The following MAP4K4 variants were observed in gnomAD, a reference collection of about 807,000 sequenced individuals.
The protein encoded by MAP4K4 is mitogen-activated protein kinase kinase kinase kinase 4.
A neutral mutation model predicts 189.6 loss-of-function variants in MAP4K4; 38 were observed. The ratio of observed to expected loss-of-function variants is 0.20; its 90% CI spans 0.15 to 0.26. The LOEUF (loss-of-function observed/expected upper bound fraction) is 0.26, where lower values mean the gene tolerates loss of function less well. MAP4K4 is among the 10% of genes least tolerant of loss of function. The pLI, the probability that MAP4K4 is intolerant of heterozygous loss-of-function variation, is 1.00. For missense variants in MAP4K4, 1,054 were observed against 1,726.9 expected (o/e 0.61, Z 6.91); for synonymous variants, 610 against 624.3 (o/e 0.98, Z 0.34).
chr2:101,808,552 C>A (rs2095183056), intron 3 of MAP4K4, among the ~76,000 whole-genome samples: 1 of 149,106 alleles, frequency 6.7e-6, no homozygotes, highest in Non-Finnish European at 1.5e-5. Flanking sequence ...TCACCCCCCC[C>A]CACCCCGTTT....
intron 2 of MAP4K4, among the ~76,000 whole-genome samples, chr2:101,757,574 C>T (rs1285768237): frequency 1.3e-5 from 2 of 152,140 alleles, no homozygotes; most frequent in Non-Finnish European, 2.9e-5. Flanking sequence ...ACACAGTCCC[C>T]CCTTATCCAC....
At chr2:101,700,783 T>G (rs75331100) in intron 2 of MAP4K4, among the ~76,000 whole-genome samples, 3 of 147,490 alleles carry the variant, frequency 2.0e-5, no homozygotes, top group South Asian at 2.1e-4. Context: ...TAAAATGTGT[T>G]TTTTTTTTTT....
chr2:101,770,200 A>G (rs1169569612), intron 2 of MAP4K4, among the ~76,000 whole-genome samples: 1 of 148,804 alleles, frequency 6.7e-6, no homozygotes, highest in African/African-American at 2.5e-5. Context: ...AAACAGTCTT[A>G]GGTCTGAATT....
At chr2:101,831,909 G>T in intron 7 of MAP4K4, 58 bp downstream of exon 7, 1 of 1,575,768 alleles carries the variant, frequency 6.3e-7, no homozygotes, top group South Asian at 1.2e-5. Flanking sequence ...CGAGGGATGG[G>T]GGCTTTGCTT....
chr2:101,723,945 C>T (rs1182349266), intron 2 of MAP4K4, among the ~76,000 whole-genome samples: 1 of 152,144 alleles, frequency 6.6e-6, no homozygotes, highest in East Asian at 1.9e-4. Flanking sequence ...ATATCACTCA[C>T]AATTAGGAAG....
chr2:101,766,705 C>T (rs911460085), intron 2 of MAP4K4, among the ~76,000 whole-genome samples: 2 of 151,820 alleles, frequency 1.3e-5, no homozygotes, highest in Non-Finnish European at 1.5e-5. Context: ...TCTCTAAGCT[C>T]ATTTCCCTTT....
chr2:101,841,963 T>G (rs188236565), intron 10 of MAP4K4, among the ~76,000 whole-genome samples: 8 of 152,284 alleles, frequency 5.3e-5, no homozygotes, highest in African/African-American at 1.9e-4. Context: ...GAACTGAAAA[T>G]GAGTTATTGA....
At chr2:101,792,533 G>C (rs1052067253) in intron 3 of MAP4K4, among the ~76,000 whole-genome samples, 1 of 151,624 alleles carries the variant, frequency 6.6e-6, no homozygotes. Flanking sequence ...AAAAAGAAGT[G>C]TAAAATATAG....
chr2:101,805,332 C>A (rs1250498008), intron 3 of MAP4K4, among the ~76,000 whole-genome samples: 2 of 152,110 alleles, frequency 1.3e-5, no homozygotes, highest in Non-Finnish European at 2.9e-5. Context: ...TTACTTTTGC[C>A]TGTGTCTGTT....
At chr2:101,771,959 T>C (rs2081658820) in intron 2 of MAP4K4, among the ~76,000 whole-genome samples, 1 of 152,186 alleles carries the variant, frequency 6.6e-6, no homozygotes, top group Non-Finnish European at 1.5e-5. Flanking sequence ...GGTCCTGTGC[T>C]GTGGTCTATG....
At chr2:101,803,537 T>C (rs2094597220) in intron 3 of MAP4K4, among the ~76,000 whole-genome samples, 1 of 152,180 alleles carries the variant, frequency 6.6e-6, no homozygotes, top group African/African-American at 2.4e-5. Flanking sequence ...TGAATTTAGT[T>C]CCAATAACTG....
Position 101,840,126 on chromosome 2 carries a change from G to A in MAP4K4, c.949+132G>A, listed in dbSNP as rs144432887. On this transcript the variant is annotated intron_variant, in intron 10 of 32. Coordinates refer to ENST00000324219, the Ensembl canonical transcript of MAP4K4. ...GTGCTTGCATGGTTTCTCTGCTTGC[G>A]GTTCAGTGCTTAGGCCTGGGGTCCA... The A allele has an allele frequency of 6.8e-4, 573 of 839,828 alleles. 1 individual carries two copies. The highest frequency in any genetic ancestry group is 8.6e-4 in the South Asian group (39 of 45,596). 52.0% of individuals were successfully genotyped at this position (839,828 alleles called of 1,614,324 possible).
intron 22 of MAP4K4, 135 bp from the exon 23 acceptor site, chr2:101,870,160 C>T (rs900970963): frequency 2.0e-5 from 17 of 829,886 alleles, no homozygotes; most frequent in South Asian, 7.5e-5. Flanking sequence ...GAAAGCTAAG[C>T]AGTTGCTTTT....
At chr2:101,721,789 G>T (rs1295773996) in intron 2 of MAP4K4, among the ~76,000 whole-genome samples, 1 of 152,086 alleles carries the variant, frequency 6.6e-6, no homozygotes, top group East Asian at 1.9e-4. Context: ...GAAGGAGGTG[G>T]TAATTGGTTG....
chr2:101,806,374 CTTTTT>C (rs35242042), intron 3 of MAP4K4, among the ~76,000 whole-genome samples: 1 of 129,540 alleles, frequency 7.7e-6, no homozygotes, highest in Non-Finnish European at 1.6e-5. Flanking sequence ...AGCTGTTTCA[CTTTTT>C]TTTTTTTTTT....
exon 7 of MAP4K4, chr2:101,831,761 G>A: frequency 6.2e-7 from 1 of 1,606,102 alleles, no homozygotes; most frequent in South Asian, 1.1e-5. Flanking sequence ...GGACTGTGGG[G>A]CGGAGAAATA....
chr2:101,729,920 A>G (rs1559125919), intron 2 of MAP4K4, among the ~76,000 whole-genome samples: 1 of 152,136 alleles, frequency 6.6e-6, no homozygotes, highest in Non-Finnish European at 1.5e-5. Flanking sequence ...TGTTTCCTGC[A>G]ACCCTCAGCA....
At chr2:101,851,724 C>CTTTTTTTTTTTTTTTTTTTTTTT (rs36217584) in intron 12 of MAP4K4, among the ~76,000 whole-genome samples, 1 of 67,904 alleles carries the variant, frequency 1.5e-5, no homozygotes, top group Non-Finnish European at 3.4e-5. Flanking sequence ...TAACTGTCCT[C>CTTTTTTTTTTTTTTTTTTTTTTT]TTTTTTTTTT....
At chr2:101,821,565 G>A (rs527456664) in intron 3 of MAP4K4, among the ~76,000 whole-genome samples, 1 of 152,302 alleles carries the variant, frequency 6.6e-6, no homozygotes, top group African/African-American at 2.4e-5. Context: ...TGGTATTTCC[G>A]CATAGAGCTC....
Sources: gnomAD v4.1 joint callset for allele counts (sites outside exome capture counted in the v4.1 genomes callset) on GRCh38, gnomAD v4.1.1 for gene constraint, MANE v1.5 for transcripts, NCBI Gene and HGNC (gene_info 2026-07-23, HGNC 2026-07-21) for gene names.